Variants in UNC5C observed in about 807,000 individuals in gnomAD.
The protein encoded by UNC5C is unc-5 netrin receptor C.
In UNC5C, 47 loss-of-function variants were observed where a neutral mutation model predicts 99.8. That is an observed-to-expected ratio of 0.47 (90% CI 0.37 to 0.60). The LOEUF (loss-of-function observed/expected upper bound fraction) is 0.60. Ranked by LOEUF, UNC5C falls within the 20% of genes least tolerant of loss-of-function variation. UNC5C has a pLI of 0.00. For synonymous variants in UNC5C, 487 were observed against 452.2 expected, an observed-to-expected ratio of 1.08 and a Z score of -0.98; for missense variants, 1,062 against 1,165.9, an observed-to-expected ratio of 0.91 and a Z score of 1.30.
At chr4:95,208,249 A>C (rs547996933) in intron 10 of UNC5C, among the ~76,000 whole-genome samples, 82 of 152,346 alleles carry the variant, frequency 5.4e-4, no homozygotes, top group African/African-American at 1.9e-3. Flanking sequence ...AATATTATTT[A>C]GCAGGCTCCA....
At chr4:95,506,019 T>C (rs1313463351) in intron 1 of UNC5C, among the ~76,000 whole-genome samples, 1 of 151,964 alleles carries the variant, frequency 6.6e-6, no homozygotes, top group Non-Finnish European at 1.5e-5. Context: ...CCTTTTCTCT[T>C]AGTATCTGGA....
chr4:95,512,454 G>A (rs988195884), intron 1 of UNC5C, among the ~76,000 whole-genome samples: 1 of 152,090 alleles, frequency 6.6e-6, no homozygotes, highest in Non-Finnish European at 1.5e-5. Flanking sequence ...CCAGAACGAT[G>A]TGTTATGGGA....
chr4:95,267,305 G>A (rs1439905030), intron 4 of UNC5C, among the ~76,000 whole-genome samples: 3 of 152,144 alleles, frequency 2.0e-5, no homozygotes, highest in Non-Finnish European at 2.9e-5. Context: ...CTGACACTAG[G>A]AGTAGTAATC....
chr4:95,458,837 A>T (rs1747516135), intron 1 of UNC5C, among the ~76,000 whole-genome samples: 1 of 152,060 alleles, frequency 6.6e-6, no homozygotes, highest in Admixed American at 6.6e-5. Flanking sequence ...AGAATATTGA[A>T]CTTCATAGTA....
At chr4:95,343,058 G>A (rs544516273) in intron 1 of UNC5C, among the ~76,000 whole-genome samples, 1 of 152,234 alleles carries the variant, frequency 6.6e-6, no homozygotes, top group African/African-American at 2.4e-5. Context: ...GCTCCTAGAT[G>A]TTACCTCTGG....
At chr4:95,358,297 T>C (rs954836110) in intron 1 of UNC5C, among the ~76,000 whole-genome samples, 7 of 152,218 alleles carry the variant, frequency 4.6e-5, no homozygotes, top group Admixed American at 3.3e-4. Flanking sequence ...TGGCATGTGA[T>C]AGAATTCATT....
At chr4:95,460,420 T>C (rs1747566433) in intron 1 of UNC5C, among the ~76,000 whole-genome samples, 1 of 152,168 alleles carries the variant, frequency 6.6e-6, no homozygotes, top group Admixed American at 6.5e-5. Flanking sequence ...CATCTTGAAT[T>C]GTAGCTCCCA....
At chr4:95,500,424 C>G (rs1721748540) in intron 1 of UNC5C, among the ~76,000 whole-genome samples, 1 of 151,980 alleles carries the variant, frequency 6.6e-6, no homozygotes, top group Non-Finnish European at 1.5e-5. Context: ...CTAAAAAAAA[C>G]AAGCTAGTTA....
intron 10 of UNC5C, among the ~76,000 whole-genome samples, chr4:95,211,981 G>C (rs1206495458): frequency 6.6e-6 from 1 of 152,062 alleles, no homozygotes; most frequent in African/African-American, 2.4e-5. Flanking sequence ...GAATGAGAAA[G>C]GACTCTACTA....
intron 10 of UNC5C, 163 bp downstream of exon 10, chr4:95,215,961 A>G (rs968401243): frequency 3.6e-5 from 19 of 521,292 alleles, no homozygotes; most frequent in Non-Finnish European, 6.0e-5. Flanking sequence ...CCTCAAAGAC[A>G]AAGAGAAGTA....
At chr4:95,326,398 C>G (rs1742884738) in intron 2 of UNC5C, among the ~76,000 whole-genome samples, 1 of 151,188 alleles carries the variant, frequency 6.6e-6, no homozygotes, top group Non-Finnish European at 1.5e-5. Flanking sequence ...ACCATGGAAA[C>G]AAGAGTTGAA....
intron 1 of UNC5C, among the ~76,000 whole-genome samples, chr4:95,460,197 G>GT (rs5860408): frequency 0.026 from 3,591 of 137,356 alleles, 51 homozygotes; most frequent in Middle Eastern, 0.055. Flanking sequence ...TCCATGTGGT[G>GT]TTTTTTTTTT....
intron 2 of UNC5C, among the ~76,000 whole-genome samples, chr4:95,333,729 A>G (rs1361265547): frequency 6.6e-6 from 1 of 152,192 alleles, no homozygotes; most frequent in Admixed American, 6.6e-5. Context: ...AATAATAAAA[A>G]AAGAATAGTT....
At chr4:95,432,224 C>T (rs1163207524) in intron 1 of UNC5C, among the ~76,000 whole-genome samples, 1 of 152,070 alleles carries the variant, frequency 6.6e-6, no homozygotes, top group Non-Finnish European at 1.5e-5. Flanking sequence ...CAATTTCTCA[C>T]AGACTCCGGG....
chr4:95,371,874 C>T (rs1359311939), intron 1 of UNC5C, among the ~76,000 whole-genome samples: 1 of 152,150 alleles, frequency 6.6e-6, no homozygotes, highest in African/African-American at 2.4e-5. Flanking sequence ...CCCTTACTAA[C>T]TTTGGCAATT....
At chr4:95,325,460 C>A (rs755442510) in intron 2 of UNC5C, among the ~76,000 whole-genome samples, 14 of 152,062 alleles carry the variant, frequency 9.2e-5, no homozygotes, top group South Asian at 4.2e-4. Context: ...ATTGGCAAGA[C>A]TTGATGATCA....
chr4:95,299,602 T>C (rs1741795549), intron 3 of UNC5C, among the ~76,000 whole-genome samples: 1 of 152,154 alleles, frequency 6.6e-6, no homozygotes, highest in African/African-American at 2.4e-5. Flanking sequence ...AGAGGCTTAA[T>C]GGACTCACAG....
At chr4:95,525,449 T>C (rs1180256184) in intron 1 of UNC5C, among the ~76,000 whole-genome samples, 1 of 152,064 alleles carries the variant, frequency 6.6e-6, no homozygotes, top group Non-Finnish European at 1.5e-5. Flanking sequence ...TTCTAGAAAT[T>C]TTTAATCAAA....
chr4:95,391,119 G>T (rs898601604), intron 1 of UNC5C, among the ~76,000 whole-genome samples: 3 of 152,152 alleles, frequency 2.0e-5, no homozygotes, highest in South Asian at 2.1e-4. Context: ...ATGTGTCTTT[G>T]CTCCTTCTTC....
Sources: gnomAD v4.1 joint callset for allele counts (sites outside exome capture counted in the v4.1 genomes callset) on GRCh38, gnomAD v4.1.1 for gene constraint, MANE v1.5 for transcripts, NCBI Gene and HGNC (gene_info 2026-07-23, HGNC 2026-07-21) for gene names.